The following STOX2 variants were observed in gnomAD, a reference collection of about 807,000 sequenced individuals.
STOX2 encodes the protein storkhead box 2.
In STOX2, 28 loss-of-function variants were observed where a neutral mutation model predicts 60.9. The observed-to-expected ratio is 0.46, with a 90% CI of 0.34 to 0.63. STOX2 has a LOEUF of 0.63. STOX2 is among the 30% of genes least tolerant of loss of function. The pLI, the probability that STOX2 is intolerant of heterozygous loss-of-function variation, is 0.01. For missense variants in STOX2, 1,024 were observed against 1,187.7 expected (o/e 0.86, Z 2.03); for synonymous variants, 472 against 463.9 (o/e 1.02, Z -0.22).
At position 183,967,411 on chromosome 4, in the gene STOX2, A is replaced by G. The variant is rs1158929270; in HGVS notation, c.167-33914A>G. Among the ~76,000 whole-genome samples the G allele has an allele frequency of 1.3e-5, 2 of 151,748 alleles. 1 individual carries two copies. Among genetic ancestry groups the G allele is most frequent in the East Asian group, 3.9e-4 (2 of 5,184 alleles). ...AGAAGTGAGAGGAAAGCGGTTAAAG[A>G]TGATGGGGTGTGCATATGAGTGAGA... On this transcript the variant is annotated intron_variant, in intron 1 of 3. Transcript: ENST00000308497.
chr4:183,815,072 T>C (rs1278171749), intron 1 of STOX2, among the ~76,000 whole-genome samples: 3 of 152,146 alleles, frequency 2.0e-5, no homozygotes, highest in Non-Finnish European at 2.9e-5. Context: ...TGATCATAGC[T>C]TGCTGTGGCT....
intron 1 of STOX2, among the ~76,000 whole-genome samples, chr4:183,998,983 G>T (rs948608871): frequency 6.6e-6 from 1 of 152,096 alleles, no homozygotes; most frequent in Non-Finnish European, 1.5e-5. Context: ...GTTCAAGGTT[G>T]CAGTGAGCTA....
rs530794953 is a variant in STOX2, at chr4:183,884,243, T to TG, written c.364+86188_364+86189insG. ...TGAAGTCATTTGAGTATCAGTATAT[T>TG]AAAAAACTTGTCACCACAGAAAAGG... On this transcript the variant is annotated intron_variant, in intron 1 of 2. Transcript: ENST00000513034. Among the ~76,000 whole-genome samples the TG allele has an allele frequency of 7.3e-4, 3 of 4,100 alleles. No individual in the cohort carries two copies. The Non-Finnish European group carries it at 0.011, about 16-fold the overall frequency. The allele number at this position is 4,100 out of a possible 152,430, so 2.7% of individuals were successfully genotyped here.
chr4:183,970,139 CGTGTGTGT>C lies in STOX2; in HGVS notation c.167-31150_167-31143del, dbSNP rs3042606. Among the ~76,000 whole-genome samples the C allele has an allele frequency of 2.1e-3, 266 of 126,984 alleles. 2 individuals carry two copies. The highest frequency in any genetic ancestry group is 7.7e-3 in the African/African-American group (230 of 29,806). 83.3% of individuals were successfully genotyped at this position (126,984 alleles called of 152,430 possible). The stretch of plus-strand genomic sequence containing the variant: ...CAATCTCAGTCTATAACTACATGTA[CGTGTGTGT>C]GTGTGTGTGTGTGTGTGTGTGTGTG... On this transcript the variant is annotated intron_variant, in intron 1 of 3. Transcript: ENST00000308497.
intron 1 of STOX2, among the ~76,000 whole-genome samples, chr4:183,888,508 C>A (rs374950751): frequency 2.0e-5 from 3 of 152,164 alleles, no homozygotes; most frequent in Non-Finnish European, 4.4e-5. Context: ...ACCATGAGCC[C>A]ATGTCCTGTT....
At chr4:183,845,098 T>TA (rs1248450661) in intron 1 of STOX2, among the ~76,000 whole-genome samples, 1 of 152,146 alleles carries the variant, frequency 6.6e-6, no homozygotes, top group Non-Finnish European at 1.5e-5. Context: ...TATAATAGTT[T>TA]AAAAAGGAGA....
chr4:183,800,577 T>A (rs537454096), intron 1 of STOX2, among the ~76,000 whole-genome samples: 8 of 152,210 alleles, frequency 5.3e-5, no homozygotes, highest in African/African-American at 1.7e-4. Flanking sequence ...GAAACGGCCA[T>A]AGAGCCAGAC....
chr4:183,820,062 C>A (rs113923165), intron 1 of STOX2, among the ~76,000 whole-genome samples: 1 of 152,114 alleles, frequency 6.6e-6, no homozygotes, highest in Non-Finnish European at 1.5e-5. Context: ...GCGCTAGTCA[C>A]ACCATTAAAA....
intron 1 of STOX2, among the ~76,000 whole-genome samples, chr4:183,943,166 G>A (rs539864292): frequency 6.6e-6 from 1 of 152,184 alleles, no homozygotes; most frequent in African/African-American, 2.4e-5. Context: ...ATTAATTTTG[G>A]GGATAGGATA....
At chr4:183,977,234 CCTTTCAGAGT>C (rs1732482774) in intron 1 of STOX2, among the ~76,000 whole-genome samples, 1 of 152,000 alleles carries the variant, frequency 6.6e-6, no homozygotes. Flanking sequence ...CTGAAAGACT[CCTTTCAGAGT>C]CTTTAATGTC....
At chr4:183,878,469 C>T (rs1316757701) in intron 1 of STOX2, among the ~76,000 whole-genome samples, 1 of 152,168 alleles carries the variant, frequency 6.6e-6, no homozygotes, top group Non-Finnish European at 1.5e-5. Flanking sequence ...TCTGTTTTAA[C>T]AGTCGTTTTC....
intron 1 of STOX2, among the ~76,000 whole-genome samples, chr4:183,874,442 A>T (rs1385337388): frequency 6.6e-6 from 1 of 152,162 alleles, no homozygotes; most frequent in Non-Finnish European, 1.5e-5. Context: ...GGTTCTCTTT[A>T]AGCAACTGCA....
chr4:183,998,186 A>C (rs1733427892), intron 1 of STOX2, among the ~76,000 whole-genome samples: 1 of 152,192 alleles, frequency 6.6e-6, no homozygotes, highest in Non-Finnish European at 1.5e-5. Context: ...ACACGTTGGA[A>C]GGTATTAACT....
intron 1 of STOX2, among the ~76,000 whole-genome samples, chr4:183,874,555 A>G (rs150447616): frequency 3.1e-3 from 467 of 152,212 alleles, no homozygotes; most frequent in Non-Finnish European, 5.2e-3. Flanking sequence ...TATTATTCTA[A>G]GCAATTATAC....
rs10687778 is a variant in STOX2, at chr4:183,948,540, C to CTTTTTTTTT, written c.166+41598_166+41606dup. On this transcript the variant is annotated intron_variant, in intron 1 of 3. Transcript: ENST00000308497. The stretch of plus-strand genomic sequence containing the variant: ...GCTGTTAACTTGTTAATGCCTTATC[C>CTTTTTTTTT]TTTTTTTTTTTTTTTTTTTTTTGAG... 8.4e-4 allele frequency among the ~76,000 whole-genome samples: 66 copies of CTTTTTTTTT among 78,208 alleles called. 2 individuals are homozygous for CTTTTTTTTT. Among genetic ancestry groups the CTTTTTTTTT allele is most frequent in the Non-Finnish European group, 1.2e-3 (53 of 43,814 alleles). The allele number at this position is 78,208 out of a possible 152,430, so 51.3% of individuals were successfully genotyped here.
chr4:183,911,163 CT>C (rs773013497), intron 1 of STOX2, among the ~76,000 whole-genome samples: 1 of 152,132 alleles, frequency 6.6e-6, no homozygotes, highest in African/African-American at 2.4e-5. Context: ...TTAGACAAAA[CT>C]TCTCTGCCCT....
chr4:184,001,371 T>C lies in STOX2; in HGVS notation c.213T>C (p.Phe71=). The change falls in exon 2 of 4, where the codon TTT becomes TTC. Residue 71 remains phenylalanine, a synonymous_variant. Coordinates refer to ENST00000308497, the MANE Select transcript of STOX2 (RefSeq NM_020225.3). This position sits in a 1 kb window ranked among gnomAD's most constrained non-coding sequence, Gnocchi z 4.2. ...TGTCTCCCATCAGTCAGTCTCAGTT[T>C]ATTCCACTCGGGGAGATCCTCTGCT... ...ISMSPISQSQ[F]IPLGEILCLA... is the part of the protein sequence containing the mutation. 1.2e-6 allele frequency: 2 copies of C among 1,613,950 alleles called. No homozygotes were observed. Among genetic ancestry groups the C allele is most frequent in the Admixed American group, 3.3e-5 (2 of 60,018 alleles).
chr4:183,850,548 G>A (rs1740093351), intron 1 of STOX2, among the ~76,000 whole-genome samples: 1 of 151,886 alleles, frequency 6.6e-6, no homozygotes, highest in South Asian at 2.1e-4. Flanking sequence ...GACCAACATG[G>A]TGAAACCCCG....
chr4:183,939,001 T>A lies in STOX2; in HGVS notation c.166+32045T>A, dbSNP rs370130798. Reference sequence around the variant, plus strand: ...AAATGCAGGCCATTAATAAAATCTATCCAAAGAGTCAGCTCCTTGCTACAT... The same window carrying A: ...AAATGCAGGCCATTAATAAAATCTAACCAAAGAGTCAGCTCCTTGCTACAT... On this transcript the variant is annotated intron_variant, in intron 1 of 3. Transcript: ENST00000308497. Among the ~76,000 whole-genome samples, 58 of 152,312 alleles carry A rather than the reference T, an allele frequency of 3.8e-4. 1 individual carries two copies. In the South Asian group the frequency reaches 0.012, roughly 30 times the overall value.
Sources: allele counts gnomAD v4.1 joint callset (sites outside exome capture counted in the v4.1 genomes callset), GRCh38; gene constraint gnomAD v4.1.1; non-coding constraint Gnocchi (gnomAD v3.1); transcripts MANE v1.5; gene names NCBI Gene and HGNC (gene_info 2026-07-23, HGNC 2026-07-21).